The following KIF26B variants were observed in gnomAD, a reference collection of about 807,000 sequenced individuals.
KIF26B encodes kinesin-like protein KIF26B.
Under a neutral mutation model 151.2 loss-of-function variants are expected in KIF26B, and 63 were observed. That is an observed-to-expected ratio of 0.42 (90% confidence interval 0.34 to 0.51). The LOEUF (loss-of-function observed/expected upper bound fraction) is 0.51, where lower values mean the gene tolerates loss of function less well. KIF26B is among the 20% of genes least tolerant of loss of function. The pLI is 0.07. For synonymous variants in KIF26B, 1,357 were observed against 1,262.1 expected, an observed-to-expected ratio of 1.08 and a Z score of -1.59; for missense variants, 2,813 against 2,913.6, an observed-to-expected ratio of 0.97 and a Z score of 0.79.
chr1:245,251,505 A>G (rs1193797490), intron 2 of KIF26B, among the ~76,000 whole-genome samples: 1 of 152,168 alleles, frequency 6.6e-6, no homozygotes, highest in Non-Finnish European at 1.5e-5. Flanking sequence ...TGCCTACCCC[A>G]TTCATAAAGG....
chr1:245,413,426 G>C (rs1273910269), intron 3 of KIF26B, among the ~76,000 whole-genome samples: 4 of 152,188 alleles, frequency 2.6e-5, no homozygotes, highest in Non-Finnish European at 5.9e-5. Flanking sequence ...ACTTTGGGAG[G>C]CTGAGGTGGA....
At chr1:245,465,140 G>A (rs1281579945) in intron 4 of KIF26B, among the ~76,000 whole-genome samples, 13 of 48,680 alleles carry the variant, frequency 2.7e-4, no homozygotes, top group Non-Finnish European at 5.6e-4. Context: ...CACCACACCC[G>A]GCTAATTTTT....
intron 5 of KIF26B, among the ~76,000 whole-genome samples, chr1:245,581,880 G>A (rs374505524): frequency 4.0e-5 from 6 of 150,724 alleles, no homozygotes; most frequent in South Asian, 4.2e-4. Context: ...TTGGGCCACT[G>A]CACTCCAGCT....
At chr1:245,303,541 A>G (rs1328618746) in intron 2 of KIF26B, among the ~76,000 whole-genome samples, 2 of 152,204 alleles carry the variant, frequency 1.3e-5, no homozygotes, top group African/African-American at 2.4e-5. Flanking sequence ...CATTGAACTC[A>G]GTACATCAAC....
chr1:245,268,189 G>T (rs1670783146), intron 2 of KIF26B, among the ~76,000 whole-genome samples: 1 of 152,014 alleles, frequency 6.6e-6, no homozygotes, highest in Non-Finnish European at 1.5e-5. Flanking sequence ...ATAATAACAG[G>T]CCTGGCGCGG....
rs774710721 is a variant in KIF26B at position 245,686,079 on chromosome 1, C to T, written c.3096C>T (p.His1032=). ...PRSVPGSSSQ[H]SASPLVQSPS... is the part of the protein sequence containing the mutation. ...GCGTCCCGGGCAGCAGTAGCCAGCA[C>T]AGCGCCTCCCCACTCGTGCAGAGCC... Residue 1032 remains histidine (H), a synonymous_variant, in exon 12 of 15, where the codon CAC becomes CAT. Transcript: ENST00000407071. The surrounding 1 kb of genome is among the most constrained non-coding windows in gnomAD (Gnocchi z 5.6). 27 of 1,601,430 alleles carry T rather than the reference C, an allele frequency of 1.7e-5. No homozygotes were observed. The highest frequency in any genetic ancestry group is 4.5e-5 in the South Asian group (4 of 89,734).
chr1:245,323,922 T>G (rs1286328329), intron 2 of KIF26B, among the ~76,000 whole-genome samples: 21 of 77,582 alleles, frequency 2.7e-4, no homozygotes, highest in South Asian at 9.1e-4. Flanking sequence ...TGGATGGAGG[T>G]GGAGGTGGGG....
chr1:245,672,130 A>T (rs751446974), intron 10 of KIF26B, among the ~76,000 whole-genome samples: 4 of 151,858 alleles, frequency 2.6e-5, no homozygotes, highest in African/African-American at 9.7e-5. Flanking sequence ...GGGGAATAAC[A>T]GTCTTGGTGG....
chr1:245,366,567 C>A (rs1399671325), intron 2 of KIF26B, among the ~76,000 whole-genome samples: 1 of 151,882 alleles, frequency 6.6e-6, no homozygotes, highest in Non-Finnish European at 1.5e-5. Context: ...TCTTGACCAG[C>A]CTGGCGAAGA....
In KIF26B at chr1:245,208,851, C is replaced by T. The variant is rs12137945; in HGVS notation, c.465+52168C>T. On this transcript the variant is annotated intron_variant, in intron 2 of 14. Coordinates refer to ENST00000407071, the MANE Select transcript of KIF26B (RefSeq NM_018012.4). Reference sequence around the variant, plus strand: ...CCCAGTGAGCTCAGCTAGCCCAGCTCCTACCTTCTTTGTGTGTTTACAGCA... The same window carrying T: ...CCCAGTGAGCTCAGCTAGCCCAGCTTCTACCTTCTTTGTGTGTTTACAGCA... Among the ~76,000 whole-genome samples the T allele has an allele frequency of 8.9e-3, 1,356 of 152,302 alleles. 9 individuals carry two copies. The highest frequency in any genetic ancestry group is 0.014 in the Non-Finnish European group (947 of 68,032).
At chr1:245,188,281 CAA>C (rs10661723) in intron 2 of KIF26B, among the ~76,000 whole-genome samples, 1,446 of 79,440 alleles carry the variant, frequency 0.018, 24 homozygotes, top group African/African-American at 0.058. Context: ...ACTCCATCTC[CAA>C]AAAAAAAAAA....
chr1:245,649,568 G>A (rs1352153888), intron 10 of KIF26B, among the ~76,000 whole-genome samples: 1 of 152,212 alleles, frequency 6.6e-6, no homozygotes, highest in African/African-American at 2.4e-5. Context: ...GTTCCTTAGA[G>A]AAGTGGAAGT....
intron 2 of KIF26B, among the ~76,000 whole-genome samples, chr1:245,343,837 A>G (rs1672384844): frequency 6.6e-6 from 1 of 152,232 alleles, no homozygotes; most frequent in Admixed American, 6.5e-5. Context: ...AAAGACAGAA[A>G]ACAAATAAGA....
chr1:245,590,375 C>G (rs1259723738), intron 5 of KIF26B, among the ~76,000 whole-genome samples: 1 of 152,204 alleles, frequency 6.6e-6, no homozygotes, highest in Non-Finnish European at 1.5e-5. Flanking sequence ...AAAATCCAAA[C>G]TGAACACATC....
At chr1:245,566,320 C>T (rs1242531678) in intron 5 of KIF26B, among the ~76,000 whole-genome samples, 4 of 152,266 alleles carry the variant, frequency 2.6e-5, no homozygotes, top group African/African-American at 9.6e-5. Flanking sequence ...TCAGTTCACA[C>T]TTTATGCCCT....
At chr1:245,261,139 C>CTT (rs1558365794) in intron 2 of KIF26B, among the ~76,000 whole-genome samples, 2 of 149,348 alleles carry the variant, frequency 1.3e-5, no homozygotes, top group African/African-American at 4.9e-5. Context: ...TCCTCTTTCT[C>CTT]TCTTTCTTTC....
chr1:245,522,054 A>G (rs1572104363), intron 4 of KIF26B, among the ~76,000 whole-genome samples: 1 of 152,030 alleles, frequency 6.6e-6, no homozygotes, highest in Non-Finnish European at 1.5e-5. Flanking sequence ...TATTTTTAGT[A>G]GAGACGGGGT....
At chr1:245,440,438 C>A (rs1659050383) in intron 4 of KIF26B, among the ~76,000 whole-genome samples, 1 of 152,100 alleles carries the variant, frequency 6.6e-6, no homozygotes, top group African/African-American at 2.4e-5. Context: ...GAAGAAGCAG[C>A]CTTAGGGAAC....
intron 3 of KIF26B, among the ~76,000 whole-genome samples, chr1:245,374,550 C>T (rs2103014670): frequency 6.6e-6 from 1 of 152,162 alleles, no homozygotes; most frequent in Middle Eastern, 3.4e-3. Flanking sequence ...CTGAAATATG[C>T]AGCACACCCC....
Sources: allele counts gnomAD v4.1 joint callset (sites outside exome capture counted in the v4.1 genomes callset), GRCh38; gene constraint gnomAD v4.1.1; non-coding constraint Gnocchi (gnomAD v3.1); transcripts MANE v1.5; gene names NCBI Gene and HGNC (gene_info 2026-07-23, HGNC 2026-07-21).